Variants in ERC1 observed in about 807,000 individuals in gnomAD.
The protein encoded by ERC1 is RAB6 interacting protein 2.
Under a neutral mutation model 132.0 loss-of-function variants are expected in ERC1, and 56 were observed. That is an observed-to-expected ratio of 0.42 (90% confidence interval 0.34 to 0.53). The LOEUF is 0.53. Ranked by LOEUF, ERC1 falls within the 20% of genes least tolerant of loss-of-function variation. The probability of loss-of-function intolerance (pLI) is 0.03; values close to 1 mark genes in which losing one functional copy is unlikely to be tolerated. For synonymous variants in ERC1, 478 were observed against 476.1 expected (o/e 1.00, Z -0.05); for missense variants, 1,202 against 1,349.9 (o/e 0.89, Z 1.72).
At chr12:1,259,506 CTCTT>C (rs59366391) in intron 13 of ERC1, among the ~76,000 whole-genome samples, 8 of 123,284 alleles carry the variant, frequency 6.5e-5, no homozygotes, top group East Asian at 2.1e-4. Context: ...TCTTGGGTAT[CTCTT>C]TCTTTCTTTC....
intron 12 of ERC1, among the ~76,000 whole-genome samples, chr12:1,215,446 G>A (rs1003949967): frequency 1.3e-5 from 2 of 152,140 alleles, no homozygotes; most frequent in African/African-American, 4.8e-5. Context: ...ATTAATACTG[G>A]TACTTTGCAC....
intron 12 of ERC1, among the ~76,000 whole-genome samples, chr12:1,192,059 A>G (rs1212574676): frequency 6.6e-6 from 1 of 152,224 alleles, no homozygotes; most frequent in Non-Finnish European, 1.5e-5. Flanking sequence ...CAGAGCTAGT[A>G]GAATGTGGTT....
At position 1,454,149 on chromosome 12, in the gene ERC1, ACT is replaced by A. The variant is rs143619458; in HGVS notation, c.3213+9402_3213+9403del. ...GCCTACTTAATGAATCTTCCGTAACACTCTAAAGGATAGTGTCCAGATGGGTT... is the reference window on the plus strand; with the variant it reads ...GCCTACTTAATGAATCTTCCGTAACACTAAAGGATAGTGTCCAGATGGGTT... On this transcript the variant is annotated intron_variant, in intron 18 of 18. Transcript: ENST00000360905. Among the ~76,000 whole-genome samples, 815 of 152,056 alleles carry A rather than the reference ACT, an allele frequency of 5.4e-3. 6 individuals carry two copies. Among genetic ancestry groups the A allele is most frequent in the African/African-American group, 0.018 (758 of 41,464 alleles).
At chr12:1,257,954 T>A (rs2076910437) in intron 13 of ERC1, among the ~76,000 whole-genome samples, 1 of 152,204 alleles carries the variant, frequency 6.6e-6, no homozygotes, top group African/African-American at 2.4e-5. Flanking sequence ...GTTTTTGAAA[T>A]TTAGGTGTGT....
At chr12:1,334,920 A>T (rs142808902) in intron 15 of ERC1, among the ~76,000 whole-genome samples, 1 of 152,242 alleles carries the variant, frequency 6.6e-6, no homozygotes, top group Non-Finnish European at 1.5e-5. Flanking sequence ...AGTGTTTTGT[A>T]GTTCTTCTTG....
At chr12:1,395,969 G>C (rs2154384942) in intron 16 of ERC1, among the ~76,000 whole-genome samples, 1 of 151,594 alleles carries the variant, frequency 6.6e-6, no homozygotes, top group South Asian at 2.1e-4. Flanking sequence ...AAGTAAATAA[G>C]TGAATATCCA....
chr12:1,246,106 T>C (rs1014459860), intron 13 of ERC1, among the ~76,000 whole-genome samples: 5 of 152,158 alleles, frequency 3.3e-5, no homozygotes, highest in African/African-American at 1.2e-4. Context: ...ATATATGATA[T>C]ACATGTGCAG....
intron 1 of ERC1, among the ~76,000 whole-genome samples, chr12:1,005,255 G>A (rs771094088): frequency 1.3e-5 from 2 of 151,992 alleles, no homozygotes; most frequent in Non-Finnish European, 2.9e-5. Context: ...AGGCTCAAGC[G>A]ATCCTCTTGC....
chr12:1,436,990 ACT>A lies in ERC1; in HGVS notation c.3025-7571_3025-7570del, dbSNP rs1258930815. On this transcript the variant is annotated intron_variant, in intron 17 of 18. Coordinates refer to ENST00000360905, the MANE Select transcript of ERC1 (RefSeq NM_178040.4). ...CATTCAGATATATATATATATATGT[ACT>A]TATACTTAACTCTTCCATTTTTCAC... 1.1e-3 allele frequency among the ~76,000 whole-genome samples: 165 copies of A among 144,080 alleles called. 1 individual carries two copies. Among genetic ancestry groups the A allele is most frequent in the African/African-American group, 4.6e-3 (157 of 33,976 alleles). 94.5% of individuals were successfully genotyped at this position (144,080 alleles called of 152,430 possible). A position where few individuals can be genotyped will look rare whatever the true frequency, so the allele number is the denominator to read the frequency against.
intron 6 of ERC1, 94 bp from the exon 7 acceptor site, chr12:1,115,772 G>C: frequency 9.2e-7 from 1 of 1,092,566 alleles, no homozygotes; most frequent in South Asian, 1.7e-5. Context: ...GCTGCATTTA[G>C]TTTCATATTT....
chr12:1,394,015 C>CAAAAAA (rs1216337061), intron 16 of ERC1, among the ~76,000 whole-genome samples: 6 of 26,926 alleles, frequency 2.2e-4, no homozygotes, highest in African/African-American at 1.1e-3. Flanking sequence ...GACTCCGTCT[C>CAAAAAA]AAAAAAAAAA....
rs561427089 is a variant in ERC1 at position 1,495,790 on chromosome 12, G to T, written c.*5560G>T. The T allele has an allele frequency of 1.4e-5, 3 of 219,092 alleles. No individual in the cohort carries two copies. The South Asian group carries it at 5.5e-4, about 40-fold the overall frequency. The allele number at this position is 219,092 out of a possible 1,614,324, so 13.6% of individuals were successfully genotyped here. On this transcript the variant is annotated 3_prime_UTR_variant, in exon 19 of 19. Transcript: ENST00000360905. ...ATGTGTGTGTTCCTGCTGGAGTTGT[G>T]TTACTGACAGGATAATGACATTACA...
intron 1 of ERC1, chr12:991,670 C>G (rs1372169262): frequency 1.3e-5 from 2 of 148,774 alleles, no homozygotes; most frequent in Admixed American, 6.6e-5. Flanking sequence ...GACTGGGGCT[C>G]TGGGCACTTG....
intron 8 of ERC1, among the ~76,000 whole-genome samples, chr12:1,153,369 G>A (rs946615334): frequency 1.6e-4 from 24 of 152,218 alleles, no homozygotes; most frequent in African/African-American, 5.8e-4. Context: ...CTTGCCTTTG[G>A]TATTTTGACT....
chr12:1,379,778 G>A (rs1362728239), intron 16 of ERC1, among the ~76,000 whole-genome samples: 1 of 152,078 alleles, frequency 6.6e-6, no homozygotes, highest in East Asian at 1.9e-4. Context: ...AATTTGCAGT[G>A]TCTTCCATAA....
intron 2 of ERC1, among the ~76,000 whole-genome samples, chr12:1,082,785 C>T (rs1223107189): frequency 6.6e-6 from 1 of 152,190 alleles, no homozygotes; most frequent in African/African-American, 2.4e-5. Context: ...AGCCACCACG[C>T]CCGGCTGTTT....
chr12:1,241,099 G>T (rs760192723), intron 13 of ERC1, among the ~76,000 whole-genome samples: 24 of 152,106 alleles, frequency 1.6e-4, no homozygotes, highest in Non-Finnish European at 2.5e-4. Context: ...ATGAAGTGTT[G>T]TAGCTTTTCT....
intron 12 of ERC1, among the ~76,000 whole-genome samples, chr12:1,213,481 A>G (rs1958067409): frequency 6.6e-6 from 1 of 152,086 alleles, no homozygotes; most frequent in African/African-American, 2.4e-5. Flanking sequence ...TCATGCCTGT[A>G]ATGCCAGCAC....
At chr12:1,416,892 C>G (rs1286635814) in intron 17 of ERC1, among the ~76,000 whole-genome samples, 2 of 152,110 alleles carry the variant, frequency 1.3e-5, no homozygotes, top group East Asian at 3.9e-4. Context: ...TGGCTTTAAC[C>G]TGAAGGCACA....
Sources: allele counts gnomAD v4.1 joint callset (sites outside exome capture counted in the v4.1 genomes callset), GRCh38; gene constraint gnomAD v4.1.1; transcripts MANE v1.5; gene names NCBI Gene and HGNC (gene_info 2026-07-23, HGNC 2026-07-21).